Variants in DPP6 observed in about 807,000 individuals in gnomAD.
The protein encoded by DPP6 is A-type potassium channel modulatory protein DPP6.
A neutral mutation model predicts 122.6 loss-of-function variants in DPP6; 69 were observed. That is an observed-to-expected ratio of 0.56 (90% CI 0.46 to 0.69). DPP6 has a LOEUF of 0.69. Among genes scored for constraint, DPP6 ranks in the 30% least tolerant of loss-of-function variants. The pLI is 0.00. For missense variants in DPP6, 928 were observed against 1,116.9 expected (o/e 0.83, Z 2.41); for synonymous variants, 418 against 433.1 (o/e 0.97, Z 0.43).
intron 5 of DPP6, among the ~76,000 whole-genome samples, chr7:154,589,476 G>A (rs78684517): frequency 0.011 from 1,617 of 152,256 alleles, 13 homozygotes; most frequent in Non-Finnish European, 0.015. Flanking sequence ...CTTCCCATCT[G>A]CTGAATCTCA....
At chr7:154,108,824 C>T (rs1463497266) in intron 1 of DPP6, among the ~76,000 whole-genome samples, 1 of 152,200 alleles carries the variant, frequency 6.6e-6, no homozygotes, top group African/African-American at 2.4e-5. Flanking sequence ...AAGGGCAATT[C>T]CTGGGCCTCG....
At chr7:153,855,336 A>AG in the DPP6 span, among the ~76,000 whole-genome samples, 1 of 152,146 alleles carries the variant, frequency 6.6e-6, no homozygotes, top group Non-Finnish European at 1.5e-5. Context: ...TATGGATTTT[A>AG]GGATCCACTC....
At chr7:154,791,167 G>C (rs971363479) in intron 10 of DPP6, among the ~76,000 whole-genome samples, 1 of 152,106 alleles carries the variant, frequency 6.6e-6, no homozygotes, top group Non-Finnish European at 1.5e-5. Flanking sequence ...CATGAGAATC[G>C]CTTGAACCTG....
chr7:154,320,048 T>A (rs988676062), intron 1 of DPP6, among the ~76,000 whole-genome samples: 1 of 148,738 alleles, frequency 6.7e-6, no homozygotes, highest in African/African-American at 2.5e-5. Flanking sequence ...TGAACTACTA[T>A]GTAATTTAAA....
At chr7:154,686,862 C>T (rs188130812) in intron 7 of DPP6, among the ~76,000 whole-genome samples, 8 of 152,274 alleles carry the variant, frequency 5.3e-5, no homozygotes, top group Admixed American at 4.6e-4. Context: ...TGAGCACTCA[C>T]ATGCCCTCCA....
chr7:154,674,500 T>G (rs1419009713), intron 7 of DPP6, among the ~76,000 whole-genome samples: 1 of 152,142 alleles, frequency 6.6e-6, no homozygotes, highest in Non-Finnish European at 1.5e-5. Flanking sequence ...TGGAAACAAG[T>G]GCCATGGAAA....
At chr7:154,515,051 C>A (rs1168251861) in intron 3 of DPP6, among the ~76,000 whole-genome samples, 1 of 152,162 alleles carries the variant, frequency 6.6e-6, no homozygotes, top group East Asian at 1.9e-4. Context: ...GCCATTTTGA[C>A]ACTCAAGAAA....
intron 1 of DPP6, among the ~76,000 whole-genome samples, chr7:154,343,084 G>A (rs1333141481): frequency 6.6e-6 from 1 of 152,184 alleles, no homozygotes; most frequent in Non-Finnish European, 1.5e-5. Context: ...TTGCTTCTGG[G>A]GCAAATGGAT....
At chr7:154,381,807 G>T (rs1429084454) in intron 1 of DPP6, among the ~76,000 whole-genome samples, 1 of 152,212 alleles carries the variant, frequency 6.6e-6, no homozygotes, top group Non-Finnish European at 1.5e-5. Flanking sequence ...TTGCAATGGT[G>T]CAGGGCAACT....
At chr7:154,324,065 C>T (rs887751708) in intron 1 of DPP6, among the ~76,000 whole-genome samples, 1 of 152,168 alleles carries the variant, frequency 6.6e-6, no homozygotes, top group Admixed American at 6.5e-5. Context: ...TTTCTTCAAT[C>T]AGGACAGAAC....
the DPP6 span, among the ~76,000 whole-genome samples, chr7:153,805,323 A>G: frequency 1.3e-5 from 2 of 152,168 alleles, no homozygotes; most frequent in Admixed American, 1.3e-4. Context: ...TGTTAGTCCA[A>G]GGGCCCCGCA....
intron 4 of DPP6, among the ~76,000 whole-genome samples, chr7:154,556,772 T>C (rs905286339): frequency 6.6e-6 from 1 of 152,166 alleles, no homozygotes; most frequent in Non-Finnish European, 1.5e-5. Flanking sequence ...TATCTACAAC[T>C]GATAAGGAAT....
At chr7:154,291,984 G>A (rs1046030932) in intron 1 of DPP6, among the ~76,000 whole-genome samples, 3 of 152,144 alleles carry the variant, frequency 2.0e-5, no homozygotes, top group African/African-American at 7.2e-5. Flanking sequence ...TTAATCTGAA[G>A]GATGAGGGGG....
intron 1 of DPP6, among the ~76,000 whole-genome samples, chr7:154,047,179 C>G (rs73729267): frequency 6.7e-6 from 1 of 148,818 alleles, no homozygotes; most frequent in African/African-American, 2.6e-5. Context: ...CTGACCATAC[C>G]GCAAGCAGGA....
the DPP6 span, among the ~76,000 whole-genome samples, chr7:153,834,584 C>T: frequency 6.6e-6 from 1 of 152,168 alleles, no homozygotes; most frequent in Admixed American, 6.6e-5. Context: ...TGCATATCAC[C>T]TTTTGGTTTA....
At chr7:154,576,320 C>CCCACACT (rs1338935517) in intron 5 of DPP6, among the ~76,000 whole-genome samples, 16 of 152,082 alleles carry the variant, frequency 1.1e-4, no homozygotes, top group African/African-American at 2.9e-4. Flanking sequence ...GAGACCTGAC[C>CCCACACT]CCACACTCCA....
intron 7 of DPP6, among the ~76,000 whole-genome samples, chr7:154,721,419 C>A (rs573841161): frequency 6.6e-6 from 1 of 152,278 alleles, no homozygotes; most frequent in South Asian, 2.1e-4. Flanking sequence ...GTACCTGCCC[C>A]ATAGGGTTAT....
At chr7:154,858,474 G>C (rs1803024232) in intron 17 of DPP6, 1 of 152,364 alleles carries the variant, frequency 6.6e-6, no homozygotes, top group Non-Finnish European at 1.5e-5. Context: ...TGCCCGGCCT[G>C]CACTCCCATT....
chr7:154,801,671 G>C (rs1039056192), intron 13 of DPP6, among the ~76,000 whole-genome samples: 9 of 152,170 alleles, frequency 5.9e-5, no homozygotes, highest in African/African-American at 2.2e-4. Context: ...TCACGTGCGA[G>C]AATGTGAATG....
Sources: allele counts gnomAD v4.1 joint callset (sites outside exome capture counted in the v4.1 genomes callset), GRCh38; gene constraint gnomAD v4.1.1; transcripts MANE v1.5; gene names NCBI Gene and HGNC (gene_info 2026-07-23, HGNC 2026-07-21).